LRBA: variants seen among roughly 807,000 people sequenced by gnomAD.
The protein encoded by LRBA is lipopolysaccharide-responsive and beige-like anchor protein.
In LRBA, 176 loss-of-function variants were observed where a neutral mutation model predicts 330.0. That is an observed-to-expected ratio of 0.53 (90% CI 0.47 to 0.60). The LOEUF (loss-of-function observed/expected upper bound fraction) is 0.60, where lower values mean the gene tolerates loss of function less well. Among genes scored for constraint, LRBA ranks in the 20% least tolerant of loss-of-function variants. The probability of loss-of-function intolerance (pLI) is 0.00; values close to 1 mark genes in which losing one functional copy is unlikely to be tolerated. For missense variants in LRBA, 3,259 were observed against 3,444.8 expected (o/e 0.95, Z 1.35); for synonymous variants, 1,230 against 1,193.0 (o/e 1.03, Z -0.64).
intron 46 of LRBA, among the ~76,000 whole-genome samples, chr4:150,416,299 A>T (rs1004156534): frequency 6.6e-6 from 1 of 152,250 alleles, no homozygotes; most frequent in African/African-American, 2.4e-5. Context: ...CTTGAAATCC[A>T]GTCTTGACAT....
At chr4:150,712,220 G>A (rs934988750) in intron 36 of LRBA, among the ~76,000 whole-genome samples, 5 of 152,110 alleles carry the variant, frequency 3.3e-5, no homozygotes, top group African/African-American at 9.7e-5. Context: ...TTATTGTAAG[G>A]ATTAAATGAA....
chr4:150,477,290 A>T (rs1457590855), intron 42 of LRBA, among the ~76,000 whole-genome samples: 1 of 152,192 alleles, frequency 6.6e-6, no homozygotes, highest in Non-Finnish European at 1.5e-5. Flanking sequence ...ATTGTGTATT[A>T]GTCCACTCTC....
intron 37 of LRBA, among the ~76,000 whole-genome samples, chr4:150,643,576 T>C (rs1018223268): frequency 7.2e-5 from 11 of 151,972 alleles, no homozygotes; most frequent in Non-Finnish European, 1.6e-4. Flanking sequence ...AGGAGCATGG[T>C]ATGTTTACTC....
At chr4:150,874,286 G>C (rs1333362697) in intron 17 of LRBA, among the ~76,000 whole-genome samples, 1 of 152,094 alleles carries the variant, frequency 6.6e-6, no homozygotes, top group African/African-American at 2.4e-5. Flanking sequence ...CCAAGACCTG[G>C]AGCTAACTGG....
intron 2 of LRBA, among the ~76,000 whole-genome samples, chr4:150,941,189 A>G (rs1452047984): frequency 6.6e-6 from 1 of 151,952 alleles, no homozygotes; most frequent in Non-Finnish European, 1.5e-5. Context: ...ATGGAGTCTC[A>G]CTCTGCTGCC....
intron 40 of LRBA, among the ~76,000 whole-genome samples, chr4:150,546,728 T>C (rs545259889): frequency 3.2e-4 from 48 of 152,262 alleles, no homozygotes; most frequent in Non-Finnish European, 5.3e-4. Context: ...CACAGTAAAA[T>C]TGTTTTAAAA....
intron 2 of LRBA, among the ~76,000 whole-genome samples, chr4:150,949,527 G>A (rs977182600): frequency 1.3e-5 from 2 of 151,972 alleles, no homozygotes; most frequent in Non-Finnish European, 2.9e-5. Context: ...TTTCCCATTG[G>A]GGGAAACCGG....
intron 2 of LRBA, among the ~76,000 whole-genome samples, chr4:151,012,581 C>A (rs1052632326): frequency 6.6e-6 from 1 of 152,168 alleles, no homozygotes; most frequent in Non-Finnish European, 1.5e-5. Flanking sequence ...CACACACATG[C>A]GCACACACAA....
chr4:150,654,690 C>T (rs929025087), intron 37 of LRBA, among the ~76,000 whole-genome samples: 4 of 152,048 alleles, frequency 2.6e-5, no homozygotes, highest in Admixed American at 6.5e-5. Context: ...CTATCCCTAC[C>T]CCCTCCCCCT....
intron 36 of LRBA, among the ~76,000 whole-genome samples, chr4:150,702,807 T>C (rs1785240873): frequency 6.6e-6 from 1 of 152,184 alleles, no homozygotes; most frequent in Non-Finnish European, 1.5e-5. Flanking sequence ...AATCCAAGTA[T>C]TATACAAAGT....
At chr4:150,946,550 A>T (rs1038770360) in intron 2 of LRBA, among the ~76,000 whole-genome samples, 23 of 152,236 alleles carry the variant, frequency 1.5e-4, no homozygotes, top group South Asian at 4.2e-4. Context: ...TCTCAAATAA[A>T]TTTTTTAAAT....
At chr4:150,948,451 T>A (rs1008839072) in intron 2 of LRBA, among the ~76,000 whole-genome samples, 3 of 152,032 alleles carry the variant, frequency 2.0e-5, no homozygotes, top group Non-Finnish European at 4.4e-5. Context: ...TATTACACCT[T>A]ACACAAAAAC....
chr4:150,660,830 C>A (rs1253618038), intron 37 of LRBA, among the ~76,000 whole-genome samples: 2 of 118,356 alleles, frequency 1.7e-5, no homozygotes, highest in Non-Finnish European at 3.5e-5. Context: ...GGATTAAGGG[C>A]GGTGCAAGAT....
At chr4:150,815,841 G>C (rs1478419018) in intron 31 of LRBA, among the ~76,000 whole-genome samples, 2 of 151,864 alleles carry the variant, frequency 1.3e-5, no homozygotes, top group Non-Finnish European at 2.9e-5. Context: ...TAATTATACA[G>C]TACGTAAAGA....
At chr4:150,739,633 A>T (rs146968040) in intron 35 of LRBA, among the ~76,000 whole-genome samples, 2 of 152,316 alleles carry the variant, frequency 1.3e-5, no homozygotes, top group Non-Finnish European at 2.9e-5. Context: ...CAATAATTAC[A>T]TTAAATAAGA....
At chr4:150,481,490 A>C (rs914579042) in intron 42 of LRBA, among the ~76,000 whole-genome samples, 11 of 152,054 alleles carry the variant, frequency 7.2e-5, no homozygotes, top group African/African-American at 2.7e-4. Flanking sequence ...GAATATATAT[A>C]TATGTTTCTG....
chr4:150,696,252 A>G lies in LRBA; in HGVS notation c.5755-12535T>C, dbSNP rs114963529. Among the ~76,000 whole-genome samples the G allele has an allele frequency of 3.8e-3, 574 of 152,296 alleles. 1 individual carries two copies. Among genetic ancestry groups the G allele is most frequent in the Non-Finnish European group, 6.6e-3 (446 of 68,026 alleles). On this transcript the variant is annotated intron_variant, in intron 36 of 56. Coordinates refer to ENST00000651943, the MANE Select transcript of LRBA (RefSeq NM_001364905.1). ...TCAAAAACAAAAATAAATTTCAAAT[A>G]AAAGCAGTTCAAGAACAAGCATGAA...
intron 39 of LRBA, among the ~76,000 whole-genome samples, chr4:150,589,042 C>T (rs960087159): frequency 4.8e-5 from 7 of 147,014 alleles, no homozygotes; most frequent in African/African-American, 1.8e-4. Context: ...TGTGTGTATA[C>T]ACACACACAC....
At chr4:150,858,367 GTCTC>G (rs1177882313) in intron 22 of LRBA, among the ~76,000 whole-genome samples, 1 of 151,184 alleles carries the variant, frequency 6.6e-6, no homozygotes, top group African/African-American at 2.4e-5. Flanking sequence ...GCAACAGTCT[GTCTC>G]TCTCTCTTTT....
Sources: allele counts gnomAD v4.1 joint callset (sites outside exome capture counted in the v4.1 genomes callset), GRCh38; gene constraint gnomAD v4.1.1; transcripts MANE v1.5; gene names NCBI Gene and HGNC (gene_info 2026-07-23, HGNC 2026-07-21).